Variants in CACNA2D2 observed in about 807,000 individuals in gnomAD.
CACNA2D2 encodes calcium voltage-gated channel auxiliary subunit alpha2delta 2.
A neutral mutation model predicts 166.4 loss-of-function variants in CACNA2D2; 48 were observed. The observed-to-expected ratio is 0.29, with a 90% CI of 0.23 to 0.37. CACNA2D2 has a LOEUF of 0.37. Ranked by LOEUF, CACNA2D2 falls within the 10% of genes least tolerant of loss-of-function variation. CACNA2D2 has a pLI of 1.00. For missense variants in CACNA2D2, 1,122 were observed against 1,433.0 expected (o/e 0.78, Z 3.50); for synonymous variants, 561 against 573.7 (o/e 0.98, Z 0.32).
At chr3:50,429,096 G>A (rs1259870513) in intron 3 of CACNA2D2, among the ~76,000 whole-genome samples, 1 of 152,150 alleles carries the variant, frequency 6.6e-6, no homozygotes, top group Non-Finnish European at 1.5e-5. Context: ...CAGGCATGGT[G>A]ACACACACCT....
At chr3:50,473,837 G>A (rs926859839) in intron 2 of CACNA2D2, among the ~76,000 whole-genome samples, 6 of 152,186 alleles carry the variant, frequency 3.9e-5, no homozygotes, top group Non-Finnish European at 8.8e-5. Flanking sequence ...CAGCCCCAGA[G>A]CTGTTGGCAG....
intron 6 of CACNA2D2, 78 bp from the exon 7 acceptor site, chr3:50,381,204 T>C (rs1265367453): frequency 3.0e-5 from 45 of 1,519,514 alleles, no homozygotes; most frequent in Non-Finnish European, 3.8e-5. Flanking sequence ...CACTCATGCC[T>C]GTGCCCCCAT....
At chr3:50,420,687 G>A (rs1707511416) in intron 3 of CACNA2D2, among the ~76,000 whole-genome samples, 1 of 152,212 alleles carries the variant, frequency 6.6e-6, no homozygotes, top group African/African-American at 2.4e-5. Flanking sequence ...CAGGTAGGTG[G>A]ACGGACAGAT....
At chr3:50,494,291 A>C (rs1698637760) in intron 1 of CACNA2D2, among the ~76,000 whole-genome samples, 1 of 152,148 alleles carries the variant, frequency 6.6e-6, no homozygotes, top group African/African-American at 2.4e-5. Flanking sequence ...GTTTGCTGGA[A>C]CTGGTGGCAG....
At chr3:50,436,210 G>A (rs1424493279) in intron 2 of CACNA2D2, among the ~76,000 whole-genome samples, 3 of 152,194 alleles carry the variant, frequency 2.0e-5, no homozygotes, top group East Asian at 1.9e-4. Flanking sequence ...CACATCCACC[G>A]ATGCCTCTGG....
intron 2 of CACNA2D2, among the ~76,000 whole-genome samples, chr3:50,457,904 G>T (rs1270170674): frequency 6.6e-6 from 1 of 152,210 alleles, no homozygotes. Context: ...AGACTAATGA[G>T]GGTAAGGGTA....
At chr3:50,501,844 C>T (rs1289228133) in intron 1 of CACNA2D2, among the ~76,000 whole-genome samples, 2 of 152,148 alleles carry the variant, frequency 1.3e-5, no homozygotes, top group Admixed American at 1.3e-4. Context: ...ATCCACCAGC[C>T]CTGAACTTCC....
intron 2 of CACNA2D2, among the ~76,000 whole-genome samples, chr3:50,464,519 T>C (rs747988290): frequency 6.6e-6 from 1 of 152,126 alleles, no homozygotes; most frequent in Non-Finnish European, 1.5e-5. Flanking sequence ...TCCAGCCTCC[T>C]GGGAAACCCT....
chr3:50,393,625 A>G (rs1305600779), intron 4 of CACNA2D2, among the ~76,000 whole-genome samples: 1 of 152,130 alleles, frequency 6.6e-6, no homozygotes, highest in East Asian at 1.9e-4. Flanking sequence ...GGCTTCTGTG[A>G]CCATGGCAGC....
chr3:50,427,287 C>T lies in CACNA2D2; in HGVS notation c.405+7026G>A, dbSNP rs1707847980. Among the ~76,000 whole-genome samples, 1 of 152,222 alleles carries T rather than the reference C, an allele frequency of 6.6e-6. No homozygotes were observed. The highest frequency in any genetic ancestry group is 1.5e-5 in the Non-Finnish European group (1 of 68,036). ...GCCTCCCTCTGTAGGCGGAGGGCCC[C>T]AAGGGTGCCCACACAATGGGTGTCC... On this transcript the variant is annotated intron_variant, in intron 3 of 37. Coordinates refer to ENST00000424201, the MANE Select transcript of CACNA2D2 (RefSeq NM_006030.4). This position sits in a 1 kb window ranked among gnomAD's most constrained non-coding sequence, Gnocchi z 4.7.
At chr3:50,392,545 G>T (rs1391884164) in intron 4 of CACNA2D2, among the ~76,000 whole-genome samples, 2 of 152,240 alleles carry the variant, frequency 1.3e-5, no homozygotes, top group Admixed American at 6.5e-5. Context: ...ACAGCTGGGG[G>T]CACCTCAGGT....
intron 3 of CACNA2D2, among the ~76,000 whole-genome samples, chr3:50,398,169 T>C (rs991474073): frequency 2.6e-5 from 4 of 152,166 alleles, no homozygotes; most frequent in Admixed American, 6.5e-5. Context: ...CTGGAGTGCC[T>C]GCCTGTCTTG....
At chr3:50,392,150 G>T (rs1023494833) in intron 4 of CACNA2D2, among the ~76,000 whole-genome samples, 4 of 152,128 alleles carry the variant, frequency 2.6e-5, no homozygotes, top group African/African-American at 7.2e-5. Flanking sequence ...TGGTTTCAGG[G>T]GTGGGTGGTG....
chr3:50,405,981 C>T (rs1210428911), intron 3 of CACNA2D2, among the ~76,000 whole-genome samples: 2 of 151,844 alleles, frequency 1.3e-5, no homozygotes, highest in Admixed American at 1.3e-4. Flanking sequence ...ATCATGAGAA[C>T]TCTCCAATCT....
intron 3 of CACNA2D2, among the ~76,000 whole-genome samples, chr3:50,423,177 TCTC>T (rs1707654559): frequency 6.6e-6 from 1 of 152,180 alleles, no homozygotes; most frequent in South Asian, 2.1e-4. Flanking sequence ...TGGTTCCTGG[TCTC>T]CTCAAGCCCC....
chr3:50,447,097 G>A (rs1269866273), intron 2 of CACNA2D2, among the ~76,000 whole-genome samples: 1 of 152,216 alleles, frequency 6.6e-6, no homozygotes, highest in Non-Finnish European at 1.5e-5. Context: ...CGGCAGAGGA[G>A]CAGCATGCAA....
chr3:50,489,415 T>G (rs1005642856), intron 1 of CACNA2D2, among the ~76,000 whole-genome samples: 2 of 152,146 alleles, frequency 1.3e-5, no homozygotes, highest in African/African-American at 2.4e-5. Context: ...TTAATGGCCT[T>G]TGGGATTGTT....
At chr3:50,493,528 G>A (rs1698602135) in intron 1 of CACNA2D2, among the ~76,000 whole-genome samples, 4 of 152,174 alleles carry the variant, frequency 2.6e-5, no homozygotes, top group Admixed American at 1.3e-4. Context: ...CACCAAAAGC[G>A]AGGCCACCAG....
Position 50,363,425 on chromosome 3 carries a change from G to C in CACNA2D2, c.*1241C>G. 1 of 396,822 alleles carries C rather than the reference G, an allele frequency of 2.5e-6. No homozygotes were observed. Among genetic ancestry groups the C allele is most frequent in the Non-Finnish European group, 4.4e-6 (1 of 225,520 alleles). The allele number at this position is 396,822 out of a possible 1,614,324, so 24.6% of individuals were successfully genotyped here. On this transcript the variant is annotated 3_prime_UTR_variant, in exon 38 of 38. Coordinates refer to ENST00000424201, the MANE Select transcript of CACNA2D2 (RefSeq NM_006030.4). Reference sequence around the variant, plus strand: ...AGGCTGGGATGCCTTTGGGGGAAATGACCAGAATGAATGGTGTGAAGAGCT... The same window carrying C: ...AGGCTGGGATGCCTTTGGGGGAAATCACCAGAATGAATGGTGTGAAGAGCT...
Sources: gnomAD v4.1 joint callset for allele counts (sites outside exome capture counted in the v4.1 genomes callset) on GRCh38, gnomAD v4.1.1 for gene constraint, Gnocchi (gnomAD v3.1) non-coding constraint, MANE v1.5 for transcripts, NCBI Gene and HGNC (gene_info 2026-07-23, HGNC 2026-07-21) for gene names.